CCT8: variants seen among roughly 807,000 people sequenced by gnomAD.
CCT8 encodes the protein chaperonin containing TCP1 subunit 8.
CCT8 carries 10 observed loss-of-function variants against 65.7 expected under a neutral mutation model. The ratio of observed to expected loss-of-function variants is 0.15; its 90% CI spans 0.09 to 0.26. The LOEUF is 0.26. CCT8 is among the 10% of genes least tolerant of loss of function. The probability of loss-of-function intolerance (pLI) is 1.00; values close to 1 mark genes in which losing one functional copy is unlikely to be tolerated. For missense variants in CCT8, 568 were observed against 669.1 expected, an observed-to-expected ratio of 0.85 and a Z score of 1.67; for synonymous variants, 199 against 221.8, an observed-to-expected ratio of 0.90 and a Z score of 0.92.
chr21:29,056,369 A>G lies in CCT8; in HGVS notation c.*106T>C. Reference sequence around the variant, plus strand: ...TTTATTATAACATCCAGCCAAGAATACAAACACAAAATAACTCTTAATTTA... The same window carrying G: ...TTTATTATAACATCCAGCCAAGAATGCAAACACAAAATAACTCTTAATTTA... On this transcript the variant is annotated 3_prime_UTR_variant, in exon 15 of 15. Coordinates refer to ENST00000286788, the MANE Select transcript of CCT8 (RefSeq NM_006585.4). 2 of 560,466 alleles carry G rather than the reference A, an allele frequency of 3.6e-6. No individual in the cohort carries two copies. The highest frequency in any genetic ancestry group is 3.9e-5 in the Admixed American group (1 of 25,732). 34.7% of individuals were successfully genotyped at this position (560,466 alleles called of 1,614,324 possible). A position where few individuals can be genotyped will look rare whatever the true frequency, so the allele number is the denominator to read the frequency against.
rs115160321 is a variant in CCT8 at position 29,061,470 on chromosome 21, G to A, written c.1284+26C>T. On this transcript the variant is annotated intron_variant, in intron 12 of 14. Transcript: ENST00000286788. ...CTTTTATTCAAGCAATGGAAAGAAAGTCAATTTATACAGAAAAAGCTGTAC... is the reference window on the plus strand; with the variant it reads ...CTTTTATTCAAGCAATGGAAAGAAAATCAATTTATACAGAAAAAGCTGTAC... 2.3e-3 allele frequency: 3,681 copies of A among 1,613,528 alleles called. 85 individuals carry two copies. The African/African-American group carries it at 0.042, about 18-fold the overall frequency.
chr21:29,062,981 G>A, intron 8 of CCT8: 1 of 313,932 alleles, frequency 3.2e-6, no homozygotes, highest in Admixed American at 4.7e-5. Context: ...ATGGTGGTAG[G>A]TAGAAATGGG....
chr21:29,070,727 A>T (rs536640777), intron 1 of CCT8, among the ~76,000 whole-genome samples: 59 of 152,200 alleles, frequency 3.9e-4, no homozygotes, highest in Admixed American at 1.6e-3. Flanking sequence ...AAGACTTAAA[A>T]TTTTTTTTAT....
At chr21:29,069,091 G>C (rs575849754) in intron 3 of CCT8, among the ~76,000 whole-genome samples, 1 of 152,198 alleles carries the variant, frequency 6.6e-6, no homozygotes, top group African/African-American at 2.4e-5. Context: ...AAAAACCACT[G>C]TTATATGTAT....
rs572283260 is a variant in CCT8 at position 29,056,513 on chromosome 21, T to G, written c.1609A>C (p.Ser537Arg). ...AKPAGGPKPP[S>R]GKKDWDDDQN... ...TCATCATCCCAGTCTTTCTTCCCAC[T>G]TGGAGGCTTGGGCCCACCAGCTGGT... The change falls in exon 15 of 15, where the codon AGT becomes CGT. Residue 537 changes from serine (S) to arginine (R), a missense_variant. Transcript: ENST00000286788. 22 of 1,546,528 alleles carry G rather than the reference T, an allele frequency of 1.4e-5. No homozygotes were observed. In the East Asian group the frequency reaches 4.5e-4, roughly 32 times the overall value.
chr21:29,071,668 G>C (rs999292038), intron 1 of CCT8, among the ~76,000 whole-genome samples: 2 of 151,988 alleles, frequency 1.3e-5, no homozygotes, highest in African/African-American at 4.8e-5. Context: ...TTACAGGTGT[G>C]AGCCACCAAC....
rs1377853423 is a variant in CCT8 at position 29,061,597 on chromosome 21, A to G, written c.1213-30T>C. On this transcript the variant is annotated intron_variant, in intron 11 of 14. Coordinates refer to ENST00000286788, the MANE Select transcript of CCT8 (RefSeq NM_006585.4). ...ATGTAGCGCCCCCACCAAAAAAAAA[A>G]TGAACACAAAACAAATTCACTAAAA... 1.9e-6 allele frequency: 3 copies of G among 1,585,422 alleles called. No individual in the cohort carries two copies. The East Asian group carries it at 6.7e-5, about 35-fold the overall frequency.
In CCT8 at chr21:29,064,408, C is replaced by CT. The variant is rs1343631056; in HGVS notation, c.762+559dup. Among the ~76,000 whole-genome samples, 33 of 21,810 alleles carry CT rather than the reference C, an allele frequency of 1.5e-3. 1 individual carries two copies. The South Asian group carries it at 0.022, about 15-fold the overall frequency. The allele number at this position is 21,810 out of a possible 152,430, so 14.3% of individuals were successfully genotyped here. ...CAAGCCTGGGTGACAAAGCAAGACTCTAAAAAAAAAAAAAAAAAAAAAAAA... is the reference window on the plus strand; with the variant it reads ...CAAGCCTGGGTGACAAAGCAAGACTCTTAAAAAAAAAAAAAAAAAAAAAAAA... On this transcript the variant is annotated intron_variant, in intron 7 of 14. Coordinates refer to ENST00000286788, the MANE Select transcript of CCT8 (RefSeq NM_006585.4).
intron 14 of CCT8, among the ~76,000 whole-genome samples, chr21:29,057,628 A>T (rs937870415): frequency 3.5e-5 from 5 of 141,324 alleles, no homozygotes; most frequent in Admixed American, 7.3e-5. Flanking sequence ...ATATATATAA[A>T]ATATATATAT....
At chr21:29,065,446 C>CA (rs1258768462) in intron 6 of CCT8, among the ~76,000 whole-genome samples, 1 of 152,168 alleles carries the variant, frequency 6.6e-6, no homozygotes, top group Non-Finnish European at 1.5e-5. Context: ...CAGAACAAAG[C>CA]AAAGATTCTG....
intron 1 of CCT8, among the ~76,000 whole-genome samples, chr21:29,071,162 G>A (rs73192136): frequency 0.11 from 16,396 of 152,142 alleles, 931 homozygotes; most frequent in East Asian, 0.15. Flanking sequence ...TGGGGCTAGT[G>A]AAAGCAATCA....
At chr21:29,069,277 T>C (rs2085656742) in intron 3 of CCT8, 146 bp downstream of exon 3, 1 of 469,464 alleles carries the variant, frequency 2.1e-6, no homozygotes, top group Non-Finnish European at 3.8e-6. Flanking sequence ...GAGGACTCTT[T>C]ATAATTAGAA....
intron 14 of CCT8, chr21:29,059,409 A>G (rs2243521): frequency 0.82 from 124,063 of 152,146 alleles, 50,731 homozygotes; most frequent in South Asian, 0.89. Context: ...TTTAAAGCCA[A>G]AATTCAAACT....
intron 1 of CCT8, among the ~76,000 whole-genome samples, chr21:29,072,866 A>G (rs1436992181): frequency 6.6e-6 from 1 of 152,268 alleles, no homozygotes; most frequent in Non-Finnish European, 1.5e-5. Context: ...TATCCTGCAG[A>G]TTACACAGAA....
rs753653342 is a variant in CCT8 at position 29,066,747 on chromosome 21, T to C, written c.593A>G (p.Asn198Ser). 1.9e-6 allele frequency: 3 copies of C among 1,609,296 alleles called. No homozygotes were observed. The highest frequency in any genetic ancestry group is 1.3e-5 in the African/African-American group (1 of 74,844). Residue 198 changes from asparagine to serine, a missense_variant, in exon 6 of 15, where the codon AAT becomes AGT. Physicochemically the swap from Asn to Ser is conservative, Grantham distance 46. Transcript: ENST00000286788. Reference protein sequence around the residue: ...VSIFPDSGHFNVDNIRVCKIL... With the variant: ...VSIFPDSGHFSVDNIRVCKIL... The stretch of plus-strand genomic sequence containing the variant: ...TTTACAAACTCTGATGTTATCAACA[T>C]TGAAATGGCCGGAATCAGGAAAAAT...
chr21:29,062,893 A>C, intron 8 of CCT8: 1 of 354,694 alleles, frequency 2.8e-6, no homozygotes, highest in East Asian at 5.8e-5. Flanking sequence ...GCATATAGAA[A>C]ATTTTTGCTT....
intron 1 of CCT8, chr21:29,073,270 A>C: frequency 7.7e-7 from 1 of 1,303,022 alleles, no homozygotes; most frequent in East Asian, 3.1e-5. Context: ...GCGCGGCTTC[A>C]CATCCGTCCA....
chr21:29,057,210 C>T (rs183498918), intron 14 of CCT8, among the ~76,000 whole-genome samples: 31 of 149,620 alleles, frequency 2.1e-4, no homozygotes, highest in Non-Finnish European at 2.8e-4. Context: ...TGCTCTGTTG[C>T]CCAGGCTAGA....
In CCT8 at chr21:29,062,373, A is replaced by C. The variant is rs139875242; in HGVS notation, c.1051T>G (p.Tyr351Asp). 6.8e-6 allele frequency: 11 copies of C among 1,613,892 alleles called. No homozygotes were observed. Among genetic ancestry groups the C allele is most frequent in the Non-Finnish European group, 8.5e-6 (10 of 1,179,878 alleles). ...LEEMGHCDSV[Y>D]LSEVGDTQVV... ...TGAGTATCTCCAACTTCTGAGAGGT[A>C]AACACTGTCACAGTGTCCCATTTCT... Residue 351 changes from tyrosine to aspartate, a missense_variant, in exon 10 of 15, where the codon TAC becomes GAC. Coordinates refer to ENST00000286788, the MANE Select transcript of CCT8 (RefSeq NM_006585.4).
Sources: gnomAD v4.1 joint callset for allele counts (sites outside exome capture counted in the v4.1 genomes callset) on GRCh38, gnomAD v4.1.1 for gene constraint, MANE v1.5 for transcripts, NCBI Gene and HGNC (gene_info 2026-07-23, HGNC 2026-07-21) for gene names.